The following DHX57 variants were observed in gnomAD, a reference collection of about 807,000 sequenced individuals.
The protein encoded by DHX57 is putative ATP-dependent RNA helicase DHX57.
In DHX57, 105 loss-of-function variants were observed where a neutral mutation model predicts 156.2. The observed-to-expected ratio is 0.67, with a 90% confidence interval of 0.57 to 0.79. The LOEUF (loss-of-function observed/expected upper bound fraction) is 0.79. Ranked by LOEUF, DHX57 falls within the 30% of genes least tolerant of loss-of-function variation. DHX57 has a pLI of 0.00. For synonymous variants in DHX57, 704 were observed against 595.6 expected (o/e 1.18, Z -2.65); for missense variants, 1,847 against 1,661.9 (o/e 1.11, Z -1.94).
At chr2:38,855,396 G>T in intron 7 of DHX57, 144 bp from the exon 8 acceptor site, 1 of 843,484 alleles carries the variant, frequency 1.2e-6, no homozygotes, top group South Asian at 1.5e-5. Flanking sequence ...ACAACCTCCT[G>T]ACTTATTACC....
chr2:38,807,179 C>G (rs1300218936), intron 21 of DHX57, among the ~76,000 whole-genome samples: 1 of 151,958 alleles, frequency 6.6e-6, no homozygotes, highest in Non-Finnish European at 1.5e-5. Flanking sequence ...ATTAGGCTCC[C>G]AAGTAGCTGG....
Position 38,858,682 on chromosome 2 carries a change from G to C in DHX57, c.1566C>G (p.Cys522Trp). The change falls in exon 6 of 24, where the codon TGC (cysteine) becomes TGG (tryptophan). Residue 522 changes from cysteine to tryptophan, a missense_variant. Cys to Trp is a radical substitution (Grantham distance 215, BLOSUM62 -2). Transcript: ENST00000457308. Reference protein sequence around the residue: ...KSVHAENGKICKQFRMKQASR... With the variant: ...KSVHAENGKIWKQFRMKQASR... ...CTACCTGTTTCATTCGGAACTGCTT[G>C]CAGATTTTACCATTTTCAGCATGTA... 3.7e-6 allele frequency: 6 copies of C among 1,613,342 alleles called. No homozygotes were observed. The highest frequency in any genetic ancestry group is 5.1e-6 in the Non-Finnish European group (6 of 1,179,842).
chr2:38,837,074 C>T (rs1671714844), intron 13 of DHX57, among the ~76,000 whole-genome samples: 1 of 152,054 alleles, frequency 6.6e-6, no homozygotes, highest in African/African-American at 2.4e-5. Flanking sequence ...ATCTCAAACT[C>T]CTGGACTCAA....
rs1283783635 is a variant in DHX57, at chr2:38,861,837, C to A, written c.573G>T (p.Arg191Ser). The A allele has an allele frequency of 1.9e-6, 3 of 1,585,390 alleles. No individual in the cohort carries two copies. Among genetic ancestry groups the A allele is most frequent in the Non-Finnish European group, 2.6e-6 (3 of 1,166,000 alleles). Residue 191 changes from arginine (R) to serine (S), a missense_variant and splice_region_variant, in exon 5 of 24, where the codon AGG becomes AGT. By Grantham distance (110) the Arg-to-Ser change is moderately radical. Transcript: ENST00000457308. ...VSPFAVQKLSRYGFNTERCQA... is the reference protein window; with the variant it reads ...VSPFAVQKLSSYGFNTERCQA... ...GACAGCGTTCAGTATTGAAACCATA[C>A]CTGTCAAGGGCAAAACATGACAAAA...
chr2:38,851,568 T>C (rs777387180), intron 9 of DHX57, among the ~76,000 whole-genome samples: 1 of 152,174 alleles, frequency 6.6e-6, no homozygotes, highest in Non-Finnish European at 1.5e-5. Flanking sequence ...GTAATTAATC[T>C]TTATTCAGAT....
In DHX57 at chr2:38,802,922, CA is replaced by C. The variant is rs753525677; in HGVS notation, c.3817-8del. On this transcript the variant is annotated splice_polypyrimidine_tract_variant and splice_region_variant and intron_variant, in intron 22 of 23. Coordinates refer to ENST00000457308, the MANE Select transcript of DHX57 (RefSeq NM_198963.3). ...GGCTGTCAAAGTGTCTCACCTGTAACAAAAAACCTCAGATGATGACAGTGAT... is the reference window on the plus strand; with the variant it reads ...GGCTGTCAAAGTGTCTCACCTGTAACAAAAACCTCAGATGATGACAGTGAT... 5 of 1,613,568 alleles carry C rather than the reference CA, an allele frequency of 3.1e-6. No individual in the cohort carries two copies. The Admixed American group carries it at 6.7e-5, about 22-fold the overall frequency.
At chr2:38,837,520 A>G (rs1021122199) in intron 13 of DHX57, among the ~76,000 whole-genome samples, 1 of 145,592 alleles carries the variant, frequency 6.9e-6, no homozygotes, top group Non-Finnish European at 1.5e-5. Flanking sequence ...CTGAGGCAGG[A>G]GAATCGCTTG....
rs114643469 is a variant in DHX57 at position 38,872,109 on chromosome 2, C to T, written c.-7+3678G>A. Among the ~76,000 whole-genome samples the T allele has an allele frequency of 2.1e-3, 316 of 152,270 alleles. 1 individual carries two copies. The highest frequency in any genetic ancestry group is 7.1e-3 in the African/African-American group (296 of 41,546). On this transcript the variant is annotated intron_variant, in intron 1 of 23. Transcript: ENST00000457308. Reference sequence around the variant, plus strand: ...TGATCGAATTACCTGTTATTAGGCCCCATCTCCTAACACTGTTGCATTGGA... The same window carrying T: ...TGATCGAATTACCTGTTATTAGGCCTCATCTCCTAACACTGTTGCATTGGA...
chr2:38,850,237 G>C (rs375172973), intron 9 of DHX57, among the ~76,000 whole-genome samples: 1 of 152,158 alleles, frequency 6.6e-6, no homozygotes, highest in South Asian at 2.1e-4. Context: ...GGAACTGAGA[G>C]TGGTTTGGGA....
At chr2:38,836,558 G>A (rs1043504906) in intron 13 of DHX57, among the ~76,000 whole-genome samples, 23 of 152,154 alleles carry the variant, frequency 1.5e-4, no homozygotes, top group Middle Eastern at 3.2e-3. Flanking sequence ...TGGATCATGT[G>A]AGGTCAGGAG....
chr2:38,813,498 G>A (rs1262657213), intron 21 of DHX57, among the ~76,000 whole-genome samples: 1 of 151,410 alleles, frequency 6.6e-6, no homozygotes, highest in Non-Finnish European at 1.5e-5. Context: ...AGCCTCCCGA[G>A]TAGCTGGGAC....
chr2:38,806,793 G>T, intron 21 of DHX57, 100 bp from the exon 22 acceptor site: 2 of 1,111,686 alleles, frequency 1.8e-6, no homozygotes, highest in Non-Finnish European at 2.5e-6. Flanking sequence ...GCTCAGTCTT[G>T]CTTGAATAGC....
intron 6 of DHX57, chr2:38,857,041 CT>C (rs1672937485): frequency 6.5e-6 from 1 of 153,764 alleles, no homozygotes; most frequent in African/African-American, 2.4e-5. Flanking sequence ...CAACAAGAGT[CT>C]CTATACCAGT....
chr2:38,805,776 A>C (rs1374739274), intron 22 of DHX57, among the ~76,000 whole-genome samples: 1 of 152,054 alleles, frequency 6.6e-6, no homozygotes, highest in Non-Finnish European at 1.5e-5. Context: ...TGACTAAAAG[A>C]CTTCTAGCTG....
chr2:38,869,014 C>G (rs929552612), intron 1 of DHX57, among the ~76,000 whole-genome samples: 5 of 152,234 alleles, frequency 3.3e-5, no homozygotes, highest in Middle Eastern at 6.8e-3. Context: ...GTTGGCCAGG[C>G]TGGTCTCGAA....
intron 10 of DHX57, among the ~76,000 whole-genome samples, 155 bp downstream of exon 10, chr2:38,848,114 C>T (rs974576093): frequency 6.6e-6 from 1 of 151,952 alleles, no homozygotes; most frequent in African/African-American, 2.4e-5. Context: ...AGATATGTTA[C>T]CTCCTTATCA....
rs148658464 is a variant in DHX57, at chr2:38,811,554, T to G, written c.3681+2267A>C. ...TTCCTTCTGGCCAACATTGGCCAGGTAGGCAATAATGTCATAGCCTTGTTC... is the reference window on the plus strand; with the variant it reads ...TTCCTTCTGGCCAACATTGGCCAGGGAGGCAATAATGTCATAGCCTTGTTC... On this transcript the variant is annotated intron_variant, in intron 21 of 23. Coordinates refer to ENST00000457308, the MANE Select transcript of DHX57 (RefSeq NM_198963.3). 4.2e-4 allele frequency: 510 copies of G among 1,210,362 alleles called. 10 individuals are homozygous for G. In the East Asian group the frequency reaches 0.012, roughly 29 times the overall value. The allele number at this position is 1,210,362 out of a possible 1,614,324, so 75.0% of individuals were successfully genotyped here. A position where few individuals can be genotyped will look rare whatever the true frequency, so the allele number is the denominator to read the frequency against.
chr2:38,866,957 C>T (rs958131290), intron 2 of DHX57, among the ~76,000 whole-genome samples: 1 of 152,188 alleles, frequency 6.6e-6, no homozygotes, highest in Non-Finnish European at 1.5e-5. Flanking sequence ...ATTCACTCAC[C>T]ACTTCCTCAC....
intron 6 of DHX57, 83 bp downstream of exon 6, chr2:38,858,578 G>T: frequency 6.8e-7 from 1 of 1,477,556 alleles, no homozygotes. Context: ...ATTTTAAGGA[G>T]GGTAGCCAAA....
Sources: allele counts gnomAD v4.1 joint callset (sites outside exome capture counted in the v4.1 genomes callset), GRCh38; gene constraint gnomAD v4.1.1; transcripts MANE v1.5; gene names NCBI Gene and HGNC (gene_info 2026-07-23, HGNC 2026-07-21).